The following FOXN1 variants were observed in gnomAD, a reference collection of about 807,000 sequenced individuals.
FOXN1 encodes forkhead box protein N1.
FOXN1 carries 15 observed loss-of-function variants against 49.0 expected under a neutral mutation model. The observed-to-expected ratio is 0.31, with a 90% CI of 0.20 to 0.47. The LOEUF (loss-of-function observed/expected upper bound fraction) is 0.47, where lower values mean the gene tolerates loss of function less well. Ranked by LOEUF, FOXN1 falls within the 20% of genes least tolerant of loss-of-function variation. FOXN1 has a pLI of 1.00. For missense variants in FOXN1, 800 were observed against 842.8 expected, an observed-to-expected ratio of 0.95 and a Z score of 0.63; for synonymous variants, 356 against 369.0, an observed-to-expected ratio of 0.96 and a Z score of 0.40.
In FOXN1 at chr17:28,512,971, G is replaced by T. The variant is rs577428179; in HGVS notation, c.-15+6528G>T. Among the ~76,000 whole-genome samples the T allele has an allele frequency of 9.8e-5, 15 of 152,302 alleles. No homozygotes were observed. In the East Asian group the frequency reaches 1.9e-3, roughly 20 times the overall value. On this transcript the variant is annotated intron_variant, in intron 1 of 8. Transcript: ENST00000579795. ...CAGAGGAGAGAAGGGGTCCTAGTAG[G>T]TATGTCTCAGAAAGGAATGGATGGA...
chr17:28,524,405 C>T, intron 2 of FOXN1, 98 bp from the exon 3 acceptor site: 1 of 1,088,560 alleles, frequency 9.2e-7, no homozygotes, highest in South Asian at 1.3e-5. Context: ...AGAGCTCAGC[C>T]ATAGACCCCC....
Position 28,523,885 on chromosome 17 carries a change from G to C in FOXN1, c.-14-71G>C, listed in dbSNP as rs2069698157. 3 of 1,459,934 alleles carry C rather than the reference G, an allele frequency of 2.1e-6. No individual in the cohort carries two copies. In the South Asian group the frequency reaches 3.4e-5, roughly 17 times the overall value. 90.4% of individuals were successfully genotyped at this position (1,459,934 alleles called of 1,614,324 possible). On this transcript the variant is annotated intron_variant, in intron 1 of 8. Transcript: ENST00000579795. The stretch of plus-strand genomic sequence containing the variant: ...CCAGCCCAAGGATGGGGTTGGGGTG[G>C]AGGTGGCGAACCTGGGTTGGTCCCC...
At chr17:28,520,907 G>A (rs1018196935) in intron 1 of FOXN1, among the ~76,000 whole-genome samples, 5 of 152,154 alleles carry the variant, frequency 3.3e-5, no homozygotes, top group Non-Finnish European at 7.4e-5. Flanking sequence ...GCTAGCAAGG[G>A]CAGCTGCCAC....
chr17:28,522,768 G>A (rs574189936), intron 1 of FOXN1, among the ~76,000 whole-genome samples: 1 of 152,176 alleles, frequency 6.6e-6, no homozygotes, highest in East Asian at 1.9e-4. Flanking sequence ...AACCCGGGAG[G>A]CAGAGGTTGC....
chr17:28,535,911 G>C (rs1567888572), intron 8 of FOXN1, among the ~76,000 whole-genome samples: 1 of 152,210 alleles, frequency 6.6e-6, no homozygotes. Context: ...CTCTACCCTA[G>C]AGGAAGAGTC....
At chr17:28,530,708 A>G in intron 5 of FOXN1, 41 bp from the exon 6 acceptor site, 1 of 1,163,662 alleles carries the variant, frequency 8.6e-7, no homozygotes, top group African/African-American at 1.5e-5. Flanking sequence ...CTCAGGACCC[A>G]GTCAGAGGTT....
chr17:28,506,914 G>C (rs1461022338), intron 1 of FOXN1, among the ~76,000 whole-genome samples: 1 of 152,180 alleles, frequency 6.6e-6, no homozygotes, highest in East Asian at 1.9e-4. Context: ...TCAAGGAATT[G>C]CTCAACATCT....
chr17:28,516,056 G>A (rs895510626), intron 1 of FOXN1, among the ~76,000 whole-genome samples: 2 of 149,508 alleles, frequency 1.3e-5, no homozygotes, highest in Non-Finnish European at 3.0e-5. Flanking sequence ...AACTCCACAG[G>A]ATACACACCT....
chr17:28,510,169 A>G (rs1445392129), intron 1 of FOXN1, among the ~76,000 whole-genome samples: 1 of 152,164 alleles, frequency 6.6e-6, no homozygotes, highest in South Asian at 2.1e-4. Context: ...CCATGCTCAC[A>G]GGAGGATGCA....
intron 4 of FOXN1, among the ~76,000 whole-genome samples, chr17:28,528,385 C>T (rs1474487488): frequency 6.6e-6 from 1 of 152,160 alleles, no homozygotes; most frequent in African/African-American, 2.4e-5. Flanking sequence ...CCTTAAATGA[C>T]CTCACCATGC....
chr17:28,529,924 AG>A (rs2069868609), intron 5 of FOXN1, among the ~76,000 whole-genome samples: 1 of 152,092 alleles, frequency 6.6e-6, no homozygotes, highest in Non-Finnish European at 1.5e-5. Flanking sequence ...GGAGTCCAGC[AG>A]AAATGAGTTC....
Position 28,524,658 on chromosome 17 carries a change from C to T in FOXN1, c.279C>T (p.Leu93=). ...GCCCCGGCCCTGGGCCCTTCAGGCT[C>T]TCACCCTCAGACAAGTATCCTGGCT... ...PAGPGPGPFR[L]SPSDKYPGFG... The change falls in exon 3 of 9, where the codon CTC becomes CTT. Residue 93 remains leucine (L), a synonymous_variant. Transcript: ENST00000579795. 6.2e-7 allele frequency: 1 copy of T among 1,613,692 alleles called. No homozygotes were observed. Among genetic ancestry groups the T allele is most frequent in the Middle Eastern group, 1.6e-4 (1 of 6,062 alleles).
At chr17:28,531,527 G>A (rs1330441464) in intron 6 of FOXN1, among the ~76,000 whole-genome samples, 1 of 152,138 alleles carries the variant, frequency 6.6e-6, no homozygotes, top group Non-Finnish European at 1.5e-5. Flanking sequence ...CAGACAGGGT[G>A]GTCCATTCCC....
At chr17:28,515,573 T>G (rs189201952) in intron 1 of FOXN1, among the ~76,000 whole-genome samples, 1 of 150,504 alleles carries the variant, frequency 6.6e-6, no homozygotes, top group Admixed American at 6.6e-5. Context: ...GGGTACACAC[T>G]TCCACAGATG....
intron 1 of FOXN1, among the ~76,000 whole-genome samples, chr17:28,521,607 C>T (rs1235932758): frequency 2.6e-5 from 4 of 152,222 alleles, no homozygotes; most frequent in Non-Finnish European, 4.4e-5. Flanking sequence ...TTAGCATTGC[C>T]GAGTGAGCAG....
At chr17:28,524,211 C>A in intron 2 of FOXN1, 119 bp downstream of exon 2, 1 of 1,070,288 alleles carries the variant, frequency 9.3e-7, no homozygotes, top group Non-Finnish European at 1.3e-6. Flanking sequence ...GTCCCCTCCA[C>A]CAGCAAACAA....
In FOXN1 at chr17:28,534,883, C is replaced by T. The variant is rs767783215; in HGVS notation, c.1312C>T (p.Pro438Ser). ...TCCAGGCCCCATTCCTGGCAAGAAC[C>T]CCCTGCAGGACCTACTTATGGGGCA... ...PAPGPIPGKNPLQDLLMGHTP... is the reference protein window; with the variant it reads ...PAPGPIPGKNSLQDLLMGHTP... Residue 438 changes from proline to serine, a missense_variant, in exon 8 of 9, where the codon CCC (proline) becomes TCC (serine). Pro to Ser is a moderately conservative substitution (Grantham distance 74, BLOSUM62 -1). Around this residue, in one of 3 missense-constraint regions of FOXN1, gnomAD observed 344 missense variants for 366.1 expected, o/e 0.94. Coordinates refer to ENST00000579795, the MANE Select transcript of FOXN1 (RefSeq NM_001369369.1). This position sits in a 1 kb window ranked among gnomAD's most constrained non-coding sequence, Gnocchi z 4.1. The T allele has an allele frequency of 5.6e-6, 9 of 1,614,022 alleles. No individual in the cohort carries two copies. Among genetic ancestry groups the T allele is most frequent in the East Asian group, 2.2e-5 (1 of 44,886 alleles).
intron 3 of FOXN1, among the ~76,000 whole-genome samples, chr17:28,525,726 A>G (rs1253617069): frequency 1.3e-5 from 2 of 151,042 alleles, no homozygotes; most frequent in African/African-American, 4.9e-5. Context: ...AGCCCCCCTC[A>G]CCTCTTGCTT....
intron 1 of FOXN1, among the ~76,000 whole-genome samples, chr17:28,512,660 G>A (rs987846529): frequency 6.6e-6 from 1 of 152,186 alleles, no homozygotes; most frequent in Non-Finnish European, 1.5e-5. Flanking sequence ...CTGTCCAAGG[G>A]GGTTTTATGT....
Sources: gnomAD v4.1 joint callset for allele counts (sites outside exome capture counted in the v4.1 genomes callset) on GRCh38, gnomAD v4.1.1 for gene constraint, gnomAD v4.1.1 regional missense constraint, Gnocchi (gnomAD v3.1) non-coding constraint, MANE v1.5 for transcripts, NCBI Gene and HGNC (gene_info 2026-07-23, HGNC 2026-07-21) for gene names.